Variants in GRPEL2 observed in about 807,000 individuals in gnomAD.
The protein encoded by GRPEL2 is GrpE like 2, mitochondrial.
GRPEL2 carries 18 observed loss-of-function variants against 25.9 expected under a neutral mutation model. That is an observed-to-expected ratio of 0.70 (90% CI 0.48 to 1.03). The LOEUF (loss-of-function observed/expected upper bound fraction) is 1.03, where lower values mean the gene tolerates loss of function less well. Ranked by LOEUF, GRPEL2 falls within the 50% of genes least tolerant of loss-of-function variation. The pLI, the probability that GRPEL2 is intolerant of heterozygous loss-of-function variation, is 0.00. For synonymous variants in GRPEL2, 106 were observed against 107.9 expected, an observed-to-expected ratio of 0.98 and a Z score of 0.11; for missense variants, 247 against 276.2, an observed-to-expected ratio of 0.89 and a Z score of 0.75.
rs753227310 is a variant in GRPEL2, at chr5:149,351,305, T to G, written c.*23T>G. 1.9e-6 allele frequency: 3 copies of G among 1,588,330 alleles called. No homozygotes were observed. Among genetic ancestry groups the G allele is most frequent in the Non-Finnish European group, 2.6e-6 (3 of 1,164,616 alleles). On this transcript the variant is annotated 3_prime_UTR_variant, in exon 4 of 4. Coordinates refer to ENST00000329271, the MANE Select transcript of GRPEL2 (RefSeq NM_152407.4). ...TGAAGAGGCCATCAGGAACTGGATG[T>G]TCTCCCAGAGCGCAGTCACCTATGT...
intron 3 of GRPEL2, 34 bp downstream of exon 3, chr5:149,349,769 G>A: frequency 6.7e-7 from 1 of 1,481,518 alleles, no homozygotes. Flanking sequence ...AATGTCTTTG[G>A]TTGGGCACAG....
chr5:149,350,342 G>A (rs1050920685), intron 3 of GRPEL2, among the ~76,000 whole-genome samples: 1 of 152,164 alleles, frequency 6.6e-6, no homozygotes, highest in African/African-American at 2.4e-5. Context: ...CAAGTTTTGT[G>A]GTCCATCTCT....
chr5:149,347,476 C>G (rs1161250637), intron 1 of GRPEL2, among the ~76,000 whole-genome samples: 1 of 152,168 alleles, frequency 6.6e-6, no homozygotes, highest in African/African-American at 2.4e-5. Context: ...TGAACTGGGC[C>G]AGGTCAGGAC....
In GRPEL2 at chr5:149,353,626, CG is replaced by C. The variant is rs1757811338; in HGVS notation, c.*2348del. On this transcript the variant is annotated 3_prime_UTR_variant, in exon 4 of 4. Coordinates refer to ENST00000329271, the MANE Select transcript of GRPEL2 (RefSeq NM_152407.4). The stretch of plus-strand genomic sequence containing the variant: ...TGGTTGGTTGGTTGTTTTTTACAGG[CG>C]GGGTCTCACTATATTGTCCAGGCTA... 1 of 150,486 alleles carries C rather than the reference CG, an allele frequency of 6.6e-6. No individual in the cohort carries two copies. Among genetic ancestry groups the C allele is most frequent in the Non-Finnish European group, 1.5e-5 (1 of 67,760 alleles). The allele number at this position is 150,486 out of a possible 1,614,324, so 9.3% of individuals were successfully genotyped here.
Position 149,351,044 on chromosome 5 carries a change from T to G in GRPEL2, c.440T>G (p.Leu147Trp), listed in dbSNP as rs142971414. Residue 147 changes from leucine to tryptophan, a missense_variant, in exon 4 of 4, where the codon TTG becomes TGG. Leu to Trp is a moderately conservative substitution (Grantham distance 61, BLOSUM62 -2). Transcript: ENST00000329271. ...KLTLEKVFRG[L>W]LLLEAKLKSV... ...ACTCTGGAGAAGGTCTTCCGAGGGT[T>G]GTTGCTTTTAGAAGCAAAGCTGAAA... 4 of 1,614,108 alleles carry G rather than the reference T, an allele frequency of 2.5e-6. No individual in the cohort carries two copies. In the African/African-American group the frequency reaches 5.3e-5, roughly 22 times the overall value.
chr5:149,349,029 CTTG>C (rs1360980352), intron 2 of GRPEL2, among the ~76,000 whole-genome samples: 1 of 151,472 alleles, frequency 6.6e-6, no homozygotes, highest in Non-Finnish European at 1.5e-5. Context: ...TAGTTTCACT[CTTG>C]TTGTCCAGGC....
chr5:149,351,319 A>C lies in GRPEL2; in HGVS notation c.*37A>C. 1 of 1,568,218 alleles carries C rather than the reference A, an allele frequency of 6.4e-7. No homozygotes were observed. The highest frequency in any genetic ancestry group is 2.3e-5 in the East Asian group (1 of 44,310). On this transcript the variant is annotated 3_prime_UTR_variant, in exon 4 of 4. Coordinates refer to ENST00000329271, the MANE Select transcript of GRPEL2 (RefSeq NM_152407.4). ...GGAACTGGATGTTCTCCCAGAGCGC[A>C]GTCACCTATGTTTCTTTTATTTATT...
intron 3 of GRPEL2, chr5:149,349,980 G>A (rs1036328791): frequency 2.0e-5 from 11 of 538,792 alleles, no homozygotes; most frequent in African/African-American, 3.9e-5. Context: ...GGAGGCAGAG[G>A]TTGCAGTAAG....
chr5:149,345,609 G>C lies in GRPEL2; in HGVS notation c.70G>C (p.Glu24Gln). 6.2e-7 allele frequency: 1 copy of C among 1,610,070 alleles called. No homozygotes were observed. Among genetic ancestry groups the C allele is most frequent in the Non-Finnish European group, 8.5e-7 (1 of 1,178,586 alleles). Reference sequence around the variant, plus strand: ...CCTACTGGCCTGGAGTGCCGCGTGGGAGAGCAAGTAAGCATTGCAGGCGGG... The same window carrying C: ...CCTACTGGCCTGGAGTGCCGCGTGGCAGAGCAAGTAAGCATTGCAGGCGGG... ...QRLLAWSAAWESKGWPLPFST... is the reference protein window; with the variant it reads ...QRLLAWSAAWQSKGWPLPFST... The change falls in exon 1 of 4, where the codon GAG (glutamate) becomes CAG (glutamine). Residue 24 changes from glutamate (E) to glutamine (Q), a missense_variant. Physicochemically the swap from Glu to Gln is conservative, Grantham distance 29 (BLOSUM62 2). This residue lies in a region of GRPEL2 where 125 missense variants were observed against 107.0 expected (regional missense o/e 1.17). Transcript: ENST00000329271.
At chr5:149,348,875 T>C (rs1757729888) in intron 2 of GRPEL2, among the ~76,000 whole-genome samples, 1 of 151,630 alleles carries the variant, frequency 6.6e-6, no homozygotes, top group African/African-American at 2.4e-5. Context: ...CTAGATAGAA[T>C]GGTAAGGAGG....
At chr5:149,345,902 T>C in intron 1 of GRPEL2, 2 of 450,616 alleles carry the variant, frequency 4.4e-6, no homozygotes, top group South Asian at 5.7e-5. Context: ...TGTACCACTC[T>C]CCCGGCCTCT....
At position 149,345,610 on chromosome 5, in the gene GRPEL2, A is replaced by AGAGC. The variant is rs774209166; in HGVS notation, c.72_75dup (p.Lys26GlufsTer18). The stretch of plus-strand genomic sequence containing the variant: ...CTACTGGCCTGGAGTGCCGCGTGGG[A>AGAGC]GAGCAAGTAAGCATTGCAGGCGGGG... On this transcript the variant is annotated frameshift_variant, in exon 1 of 4. Coordinates refer to ENST00000329271, the MANE Select transcript of GRPEL2 (RefSeq NM_152407.4). LOFTEE classifies it high-confidence loss of function. 1 of 1,609,732 alleles carries AGAGC rather than the reference A, an allele frequency of 6.2e-7. No individual in the cohort carries two copies. The highest frequency in any genetic ancestry group is 2.2e-5 in the East Asian group (1 of 44,772).
At chr5:149,347,972 A>G (rs1037438774) in intron 1 of GRPEL2, 2 of 235,706 alleles carry the variant, frequency 8.5e-6, no homozygotes, top group African/African-American at 4.5e-5. Context: ...CCAGCGGAAT[A>G]CCAACTATGT....
rs1224100745 is a variant in GRPEL2 at position 149,351,226 on chromosome 5, C to G, written c.622C>G (p.Arg208Gly). 1 of 1,614,004 alleles carries G rather than the reference C, an allele frequency of 6.2e-7. No individual in the cohort carries two copies. Among genetic ancestry groups the G allele is most frequent in the Non-Finnish European group, 8.5e-7 (1 of 1,179,968 alleles). ...ACAAGATGGCTACAAACTTCATGGC[C>G]GCACCATTAGGCTTGCCCGAGTGGA... is the stretch of plus-strand genomic sequence containing the variant. Reference protein sequence around the residue: ...VRQDGYKLHGRTIRLARVEVA... With the variant: ...VRQDGYKLHGGTIRLARVEVA... Residue 208 changes from arginine (R) to glycine (G), a missense_variant, in exon 4 of 4, where the codon CGC becomes GGC. Arg to Gly is a moderately radical substitution (Grantham distance 125, BLOSUM62 -2). Transcript: ENST00000329271.
Position 149,349,649 on chromosome 5 carries a change from T to G in GRPEL2, c.232-5T>G. The G allele has an allele frequency of 6.3e-7, 1 of 1,587,660 alleles. No homozygotes were observed. The highest frequency in any genetic ancestry group is 8.6e-7 in the Non-Finnish European group (1 of 1,167,092). On this transcript the variant is annotated splice_polypyrimidine_tract_variant and splice_region_variant and intron_variant, in intron 2 of 3. Coordinates refer to ENST00000329271, the MANE Select transcript of GRPEL2 (RefSeq NM_152407.4). ...CATCCTTTTGATTTTGCTTTTGATA[T>G]TCAGGTGAGATACCAGAGAGCTATA...
Position 149,349,645 on chromosome 5 carries a change from G to T in GRPEL2, c.232-9G>T. ...TTCTCATCCTTTTGATTTTGCTTTTGATATTCAGGTGAGATACCAGAGAGC... is the reference window on the plus strand; with the variant it reads ...TTCTCATCCTTTTGATTTTGCTTTTTATATTCAGGTGAGATACCAGAGAGC... On this transcript the variant is annotated splice_polypyrimidine_tract_variant and intron_variant, in intron 2 of 3. Coordinates refer to ENST00000329271, the MANE Select transcript of GRPEL2 (RefSeq NM_152407.4). 6.4e-7 allele frequency: 1 copy of T among 1,568,112 alleles called. No homozygotes were observed. Among genetic ancestry groups the T allele is most frequent in the South Asian group, 1.2e-5 (1 of 85,416 alleles).
chr5:149,352,700 T>C lies in GRPEL2; in HGVS notation c.*1418T>C, dbSNP rs1334512339. On this transcript the variant is annotated 3_prime_UTR_variant, in exon 4 of 4. Coordinates refer to ENST00000329271, the MANE Select transcript of GRPEL2 (RefSeq NM_152407.4). ...TTAGGAAGGCAGTCAATTATGGATA[T>C]TTTAATGTTGGAAGAGGCCTTAATG... 6.6e-6 allele frequency: 1 copy of C among 152,212 alleles called. No homozygotes were observed. The highest frequency in any genetic ancestry group is 1.5e-5 in the Non-Finnish European group (1 of 68,040). The allele number at this position is 152,212 out of a possible 1,614,324, so 9.4% of individuals were successfully genotyped here.
At chr5:149,345,652 ACT>A in intron 1 of GRPEL2, 36 bp downstream of exon 1, 1 of 1,543,826 alleles carries the variant, frequency 6.5e-7, no homozygotes, top group South Asian at 1.2e-5. Flanking sequence ...GAGCGTGAGG[ACT>A]CTGAGGGGCT....
chr5:149,353,093 C>T lies in GRPEL2; in HGVS notation c.*1811C>T, dbSNP rs1472693433. On this transcript the variant is annotated 3_prime_UTR_variant, in exon 4 of 4. Transcript: ENST00000329271. The stretch of plus-strand genomic sequence containing the variant: ...AGATAATTCTAAGACAGCACACAAA[C>T]TTATCAATAAAGCCATCTCCTTGTG... 1 of 152,604 alleles carries T rather than the reference C, an allele frequency of 6.6e-6. No individual in the cohort carries two copies. The highest frequency in any genetic ancestry group is 1.5e-5 in the Non-Finnish European group (1 of 68,032). The allele number at this position is 152,604 out of a possible 1,614,324, so 9.5% of individuals were successfully genotyped here.
Sources: gnomAD v4.1 joint callset for allele counts (sites outside exome capture counted in the v4.1 genomes callset) on GRCh38, gnomAD v4.1.1 for gene constraint, gnomAD v4.1.1 regional missense constraint, MANE v1.5 for transcripts, NCBI Gene and HGNC (gene_info 2026-07-23, HGNC 2026-07-21) for gene names.